Variants in USP12 observed in about 807,000 individuals in gnomAD.
USP12 encodes the protein ubiquitin specific peptidase 12.
A neutral mutation model predicts 45.5 loss-of-function variants in USP12; 19 were observed. That is an observed-to-expected ratio of 0.42 (90% CI 0.29 to 0.61). USP12 has a LOEUF of 0.61. Ranked by LOEUF, USP12 falls within the 20% of genes least tolerant of loss-of-function variation. The probability of loss-of-function intolerance (pLI) is 0.22; values close to 1 mark genes in which losing one functional copy is unlikely to be tolerated. For missense variants in USP12, 242 were observed against 447.7 expected (o/e 0.54, Z 4.15); for synonymous variants, 149 against 148.8 (o/e 1.00, Z -0.01).
intron 4 of USP12, among the ~76,000 whole-genome samples, chr13:27,091,491 G>A (rs1013630884): frequency 9.8e-5 from 15 of 152,298 alleles, no homozygotes; most frequent in South Asian, 4.1e-4. Context: ...GGTGCCAAGC[G>A]GTCATCAAGT....
chr13:27,167,262 CA>C lies in USP12; in HGVS notation c.48+4329del, dbSNP rs1175284062. Among the ~76,000 whole-genome samples the C allele has an allele frequency of 8.7e-3, 1,256 of 144,312 alleles. 13 individuals are homozygous for C. The highest frequency in any genetic ancestry group is 0.025 in the Middle Eastern group (7 of 284). The allele number at this position is 144,312 out of a possible 152,430, so 94.7% of individuals were successfully genotyped here. On this transcript the variant is annotated intron_variant, in intron 1 of 8. Transcript: ENST00000282344. ...GGGCAACAAGAGTGAAACTCCGTCT[CA>C]AAAAAAAAATAAAATAAATAAATAA...
chr13:27,099,845 C>CA (rs1874784170), intron 3 of USP12, among the ~76,000 whole-genome samples: 1 of 152,152 alleles, frequency 6.6e-6, no homozygotes, highest in South Asian at 2.1e-4. Context: ...TAGCCTTTAG[C>CA]AAAATCCCCA....
At position 27,067,060 on chromosome 13, in the gene USP12, T is replaced by C. The variant is rs1297566206; in HGVS notation, c.*2223A>G. ...GGTGTAGATGTGAACAAGTATGTGA[T>C]TACCAGGAACTCAACACATACACTA... On this transcript the variant is annotated 3_prime_UTR_variant, in exon 9 of 9. Coordinates refer to ENST00000282344, the MANE Select transcript of USP12 (RefSeq NM_182488.4). The C allele has an allele frequency of 6.6e-6, 1 of 152,150 alleles. No individual in the cohort carries two copies. Among genetic ancestry groups the C allele is most frequent in the East Asian group, 1.9e-4 (1 of 5,198 alleles). 9.4% of individuals were successfully genotyped at this position (152,150 alleles called of 1,614,324 possible).
rs1873059180 is a variant in USP12 at position 27,067,671 on chromosome 13, T to C, written c.*1612A>G. 1 of 152,158 alleles carries C rather than the reference T, an allele frequency of 6.6e-6. No individual in the cohort carries two copies. The highest frequency in any genetic ancestry group is 6.5e-5 in the Admixed American group (1 of 15,268). 9.4% of individuals were successfully genotyped at this position (152,158 alleles called of 1,614,324 possible). Reference sequence around the variant, plus strand: ...ATAAATGTTAATAATAGCAGCAGACTAAAAAATTCCTTTTTGTTGTTTTCC... The same window carrying C: ...ATAAATGTTAATAATAGCAGCAGACCAAAAAATTCCTTTTTGTTGTTTTCC... On this transcript the variant is annotated 3_prime_UTR_variant, in exon 9 of 9. Coordinates refer to ENST00000282344, the MANE Select transcript of USP12 (RefSeq NM_182488.4).
chr13:27,083,221 C>T (rs138506696), intron 6 of USP12, among the ~76,000 whole-genome samples: 16 of 152,120 alleles, frequency 1.1e-4, no homozygotes, highest in South Asian at 2.1e-4. Context: ...CATGTATCAC[C>T]GTAACAATAT....
chr13:27,079,313 C>A (rs1450544467), intron 6 of USP12, among the ~76,000 whole-genome samples: 1 of 152,042 alleles, frequency 6.6e-6, no homozygotes, highest in Non-Finnish European at 1.5e-5. Context: ...TGTCAGAGAA[C>A]CCCAGAGTCT....
At position 27,075,378 on chromosome 13, in the gene USP12, T is replaced by A. The variant is rs910393267; in HGVS notation, c.745A>T (p.Lys249Ter). ...KQEAHKRMKV[K>*]KLPMILALHL... ...AGAGCTAGAATCATGGGCAGTTTTT[T>A]AACTTTCATCCTATTAAAAATAAAA... is the stretch of plus-strand genomic sequence containing the variant. Residue 249 changes from lysine (K) to a stop codon, truncating the protein, a stop_gained, in exon 7 of 9, where the codon AAA becomes TAA. Coordinates refer to ENST00000282344, the MANE Select transcript of USP12 (RefSeq NM_182488.4). LOFTEE classifies it high-confidence loss of function. The A allele has an allele frequency of 6.2e-7, 1 of 1,611,152 alleles. No individual in the cohort carries two copies. The highest frequency in any genetic ancestry group is 8.5e-7 in the Non-Finnish European group (1 of 1,178,380).
At chr13:27,143,844 T>G (rs148661457) in intron 1 of USP12, among the ~76,000 whole-genome samples, 2 of 152,110 alleles carry the variant, frequency 1.3e-5, no homozygotes, top group African/African-American at 4.8e-5. Flanking sequence ...AAAGACACCA[T>G]AAGGAAATGT....
intron 7 of USP12, among the ~76,000 whole-genome samples, chr13:27,074,678 A>G (rs2137753888): frequency 6.6e-6 from 1 of 152,364 alleles, no homozygotes; most frequent in Admixed American, 6.5e-5. Flanking sequence ...GTACGTTCAT[A>G]CAGAGAAGAT....
chr13:27,144,148 G>A (rs142243298), intron 1 of USP12, among the ~76,000 whole-genome samples: 13 of 152,002 alleles, frequency 8.6e-5, no homozygotes, highest in African/African-American at 2.4e-4. Flanking sequence ...AGTTGGAGCC[G>A]AGACTGCACC....
rs1593192946 is a variant in USP12 at position 27,116,388 on chromosome 13, C to T, written c.129+128G>A. 7 of 606,990 alleles carry T rather than the reference C, an allele frequency of 1.2e-5. 1 individual carries two copies. The highest frequency in any genetic ancestry group is 1.7e-5 in the Non-Finnish European group (7 of 416,944). 37.6% of individuals were successfully genotyped at this position (606,990 alleles called of 1,614,324 possible). ...TAAAGATCATTTCAAAATTCCCAAT[C>T]AAGTCTCTTAGCATTTAATTCTATT... On this transcript the variant is annotated intron_variant, in intron 2 of 8. Coordinates refer to ENST00000282344, the MANE Select transcript of USP12 (RefSeq NM_182488.4).
At chr13:27,084,472 C>T (rs1873915911) in intron 6 of USP12, among the ~76,000 whole-genome samples, 3 of 144,756 alleles carry the variant, frequency 2.1e-5, no homozygotes, top group Admixed American at 1.4e-4. Context: ...TGCCACTGCA[C>T]TCCAGCCTGG....
In USP12 at chr13:27,127,822, G is replaced by A. The variant is rs565865794; in HGVS notation, c.49-11226C>T. Among the ~76,000 whole-genome samples, 18 of 152,190 alleles carry A rather than the reference G, an allele frequency of 1.2e-4. 1 individual carries two copies. The South Asian group carries it at 3.7e-3, about 32-fold the overall frequency. ...ATGATTAATCACTGCGCAAGTAACT[G>A]CAAATTTAAATTTACTCAGAGGACT... is the stretch of plus-strand genomic sequence containing the variant. On this transcript the variant is annotated intron_variant, in intron 1 of 8. Coordinates refer to ENST00000282344, the MANE Select transcript of USP12 (RefSeq NM_182488.4).
chr13:27,142,788 C>T lies in USP12; in HGVS notation c.49-26192G>A, dbSNP rs189526696. Among the ~76,000 whole-genome samples, 491 of 152,078 alleles carry T rather than the reference C, an allele frequency of 3.2e-3. 2 individuals carry two copies. Among genetic ancestry groups the T allele is most frequent in the Non-Finnish European group, 5.9e-3 (398 of 67,954 alleles). On this transcript the variant is annotated intron_variant, in intron 1 of 8. Coordinates refer to ENST00000282344, the MANE Select transcript of USP12 (RefSeq NM_182488.4). ...TAACACTGAATAAATAAAAATCTAT[C>T]GTGACACAAAAAAGAAGTGGAAGAG...
Position 27,108,817 on chromosome 13 carries a change from G to T in USP12, c.130-2873C>A, listed in dbSNP as rs150247855. ...AACTGAAATTACAAAAATTAGCCGG[G>T]TGTGGTGGCACGCACCTATAATCCC... On this transcript the variant is annotated intron_variant, in intron 2 of 8. Transcript: ENST00000282344. 5.1e-3 allele frequency among the ~76,000 whole-genome samples: 779 copies of T among 152,234 alleles called. 6 individuals are homozygous for T. Among genetic ancestry groups the T allele is most frequent in the African/African-American group, 0.018 (750 of 41,540 alleles).
chr13:27,134,750 T>A (rs1876717583), intron 1 of USP12, among the ~76,000 whole-genome samples: 1 of 151,986 alleles, frequency 6.6e-6, no homozygotes, highest in Admixed American at 6.6e-5. Flanking sequence ...CCATCTTCAA[T>A]CAGTTTTATA....
chr13:27,110,132 A>G (rs895623756), intron 2 of USP12, among the ~76,000 whole-genome samples: 3 of 150,952 alleles, frequency 2.0e-5, no homozygotes, highest in African/African-American at 7.3e-5. Flanking sequence ...CCAGGTAAAA[A>G]AAAAAAAAAA....
intron 1 of USP12, among the ~76,000 whole-genome samples, chr13:27,139,986 CAG>C (rs1348573849): frequency 1.3e-5 from 2 of 152,130 alleles, no homozygotes; most frequent in African/African-American, 2.4e-5. Context: ...TACCCTCTAA[CAG>C]AGTAAAATAA....
rs1876211941 is a variant in USP12, at chr13:27,125,912, C to T, written c.49-9316G>A. Among the ~76,000 whole-genome samples, 2 of 152,226 alleles carry T rather than the reference C, an allele frequency of 1.3e-5. 1 individual carries two copies. Among genetic ancestry groups the T allele is most frequent in the South Asian group, 4.1e-4 (2 of 4,830 alleles). ...GGAGCTTGGCAGGGGGAGGGGCGTC[C>T]GCCATTGCTGAGGCTTGAGTAGGTG... is the stretch of plus-strand genomic sequence containing the variant. On this transcript the variant is annotated intron_variant, in intron 1 of 8. Coordinates refer to ENST00000282344, the MANE Select transcript of USP12 (RefSeq NM_182488.4).
Sources: allele counts gnomAD v4.1 joint callset (sites outside exome capture counted in the v4.1 genomes callset), GRCh38; gene constraint gnomAD v4.1.1; transcripts MANE v1.5; gene names NCBI Gene and HGNC (gene_info 2026-07-23, HGNC 2026-07-21).